Variants in CSTF3 observed in about 807,000 individuals in gnomAD.
The protein encoded by CSTF3 is CF-1 77 kDa subunit.
In CSTF3, 29 loss-of-function variants were observed where a neutral mutation model predicts 105.8. That is an observed-to-expected ratio of 0.27 (90% CI 0.20 to 0.37). CSTF3 has a LOEUF of 0.37. Ranked by LOEUF, CSTF3 falls within the 10% of genes least tolerant of loss-of-function variation. The pLI is 1.00. For missense variants in CSTF3, 357 were observed against 879.3 expected, an observed-to-expected ratio of 0.41 and a Z score of 7.51; for synonymous variants, 252 against 281.9, an observed-to-expected ratio of 0.89 and a Z score of 1.06.
chr11:33,149,254 T>C (rs1855826310), intron 1 of CSTF3, among the ~76,000 whole-genome samples: 1 of 152,236 alleles, frequency 6.6e-6, no homozygotes, highest in African/African-American at 2.4e-5. Flanking sequence ...TAAATGTTTT[T>C]TTCTGGCCTA....
chr11:33,086,210 A>G (rs1362483997), intron 18 of CSTF3, among the ~76,000 whole-genome samples: 2 of 152,242 alleles, frequency 1.3e-5, no homozygotes, highest in Non-Finnish European at 2.9e-5. Flanking sequence ...GTGTAAGACA[A>G]CCAGGGACTG....
chr11:33,118,101 A>T (rs868707294), intron 3 of CSTF3, among the ~76,000 whole-genome samples: 12 of 150,870 alleles, frequency 8.0e-5, no homozygotes, highest in Middle Eastern at 6.8e-3. Flanking sequence ...TTTTTTAATA[A>T]GAGAAAGAAA....
chr11:33,105,415 T>G, intron 8 of CSTF3, 152 bp downstream of exon 8: 1 of 681,926 alleles, frequency 1.5e-6, no homozygotes, highest in Non-Finnish European at 2.4e-6. Flanking sequence ...ATATGGAGAC[T>G]CTCAAACCTT....
chr11:33,151,658 T>C (rs1855862074), intron 1 of CSTF3, among the ~76,000 whole-genome samples: 1 of 152,212 alleles, frequency 6.6e-6, no homozygotes, highest in South Asian at 2.1e-4. Context: ...ACTATGAACA[T>C]TAGTGTGTAA....
At chr11:33,156,101 C>G (rs1849862306) in intron 1 of CSTF3, among the ~76,000 whole-genome samples, 1 of 152,116 alleles carries the variant, frequency 6.6e-6, no homozygotes, top group Admixed American at 6.6e-5. Context: ...ACAACTGTCC[C>G]CAAACAGAAT....
chr11:33,131,168 G>T (rs1855594868), intron 3 of CSTF3, among the ~76,000 whole-genome samples: 1 of 152,156 alleles, frequency 6.6e-6, no homozygotes. Flanking sequence ...AAAAAACTAT[G>T]GAAGTATGGA....
intron 10 of CSTF3, among the ~76,000 whole-genome samples, chr11:33,100,059 T>C (rs66548785): frequency 0.12 from 18,849 of 152,092 alleles, 2,959 homozygotes; most frequent in African/African-American, 0.37. Context: ...ATCTGGCTTA[T>C]TTTTAAAAAT....
At chr11:33,128,029 A>T (rs1328870411) in intron 3 of CSTF3, among the ~76,000 whole-genome samples, 1 of 152,174 alleles carries the variant, frequency 6.6e-6, no homozygotes, top group Non-Finnish European at 1.5e-5. Flanking sequence ...TTCTGTACAA[A>T]ATAAGTCAAT....
At chr11:33,128,707 T>C (rs2474870) in intron 3 of CSTF3, among the ~76,000 whole-genome samples, 84,521 of 151,992 alleles carry the variant, frequency 0.56, 26,106 homozygotes, top group Non-Finnish European at 0.69. Flanking sequence ...AGTCATCTGC[T>C]TTAATATACT....
rs998080026 is a variant in CSTF3, at chr11:33,109,038, A to T, written c.226-620T>A. Among the ~76,000 whole-genome samples, 4 of 152,230 alleles carry T rather than the reference A, an allele frequency of 2.6e-5. No individual in the cohort carries two copies. The East Asian group carries it at 7.7e-4, about 29-fold the overall frequency. ...GGGTGCTACAGCATTTTGGAAGAGC[A>T]AAAGACTTAGACTTGGGGAATTGCA... On this transcript the variant is annotated intron_variant, in intron 3 of 20. Coordinates refer to ENST00000323959, the MANE Select transcript of CSTF3 (RefSeq NM_001326.3).
intron 20 of CSTF3, 75 bp from the exon 21 acceptor site, chr11:33,085,364 T>A: frequency 8.0e-7 from 1 of 1,252,614 alleles, no homozygotes. Context: ...TGTGGATACT[T>A]TATTTCATAG....
intron 14 of CSTF3, 68 bp downstream of exon 14, chr11:33,096,767 C>T (rs1855227023): frequency 6.9e-7 from 1 of 1,448,098 alleles, no homozygotes; most frequent in South Asian, 1.3e-5. Flanking sequence ...AAGCTAAAAT[C>T]ACCTTTCTTT....
At chr11:33,154,135 T>C (rs1302925574) in intron 1 of CSTF3, among the ~76,000 whole-genome samples, 1 of 152,218 alleles carries the variant, frequency 6.6e-6, no homozygotes, top group Non-Finnish European at 1.5e-5. Context: ...TTTATTGACA[T>C]AAAAACCACT....
intron 1 of CSTF3, among the ~76,000 whole-genome samples, chr11:33,154,442 C>CT (rs969793893): frequency 4.2e-5 from 6 of 144,188 alleles, no homozygotes; most frequent in Admixed American, 7.0e-5. Flanking sequence ...CTGTGGTTAA[C>CT]TTTTTTTCAA....
chr11:33,085,326 C>G, intron 20 of CSTF3, 37 bp from the exon 21 acceptor site: 2 of 1,485,046 alleles, frequency 1.3e-6, no homozygotes, highest in Non-Finnish European at 1.8e-6. Context: ...AAAACATATT[C>G]CACTATGAAA....
At chr11:33,091,226 A>G (rs1855165640) in intron 16 of CSTF3, among the ~76,000 whole-genome samples, 1 of 152,226 alleles carries the variant, frequency 6.6e-6, no homozygotes. Flanking sequence ...AAAATCTAAT[A>G]TGATTACGCT....
At chr11:33,088,681 C>T (rs998395628) in intron 17 of CSTF3, among the ~76,000 whole-genome samples, 12 of 152,112 alleles carry the variant, frequency 7.9e-5, no homozygotes, top group Middle Eastern at 3.4e-3. Flanking sequence ...GGCTTGATCA[C>T]GGCTCACTAA....
Position 33,086,971 on chromosome 11 carries a change from C to T in CSTF3, c.1795+17G>A. The T allele has an allele frequency of 6.2e-7, 1 of 1,613,968 alleles. No homozygotes were observed. On this transcript the variant is annotated intron_variant, in intron 18 of 20. Coordinates refer to ENST00000323959, the MANE Select transcript of CSTF3 (RefSeq NM_001326.3). The stretch of plus-strand genomic sequence containing the variant: ...ACAAACCAACGTCTCAGTACTGGAT[C>T]TAAAGTCATGGCTTACGTGCTAAAT...
chr11:33,150,146 C>T (rs748651822), intron 1 of CSTF3, among the ~76,000 whole-genome samples: 21 of 145,346 alleles, frequency 1.4e-4, no homozygotes, highest in Non-Finnish European at 1.2e-4. Flanking sequence ...ACCCGGGAGG[C>T]GGAGGTTGCA....
Sources: gnomAD v4.1 joint callset for allele counts (sites outside exome capture counted in the v4.1 genomes callset) on GRCh38, gnomAD v4.1.1 for gene constraint, MANE v1.5 for transcripts, NCBI Gene and HGNC (gene_info 2026-07-23, HGNC 2026-07-21) for gene names.